The following UBE2V1 variants were observed in gnomAD, a reference collection of about 807,000 sequenced individuals.
UBE2V1 encodes ubiquitin conjugating enzyme E2 V1, also known as ubiquitin-conjugating enzyme E2 variant 1.
A neutral mutation model predicts 19.6 loss-of-function variants in UBE2V1; 15 were observed. The ratio of observed to expected loss-of-function variants is 0.77; its 90% CI spans 0.51 to 1.18. The LOEUF (loss-of-function observed/expected upper bound fraction) is 1.18, where lower values mean the gene tolerates loss of function less well. Ranked by LOEUF, UBE2V1 falls within the 50% of genes most tolerant of loss-of-function variation. The probability of loss-of-function intolerance (pLI) is 0.00; values close to 1 mark genes in which losing one functional copy is unlikely to be tolerated. For synonymous variants in UBE2V1, 60 were observed against 60.7 expected (o/e 0.99, Z 0.05); for missense variants, 125 against 184.8 (o/e 0.68, Z 1.88).
upstream of UBE2V1, chr20:50,115,169 G>A (rs2147251848): frequency 7.8e-6 from 2 of 256,696 alleles, no homozygotes; most frequent in South Asian, 1.5e-4. Context: ...GGCGACACTG[G>A]CCCTTTGCAA....
rs866897790 is a variant in UBE2V1, at chr20:50,098,803, A to G, written c.23-1983T>C. 2.1e-5 allele frequency: 10 copies of G among 474,936 alleles called. No individual in the cohort carries two copies. The Admixed American group carries it at 3.2e-4, about 15-fold the overall frequency. 29.4% of individuals were successfully genotyped at this position (474,936 alleles called of 1,614,324 possible). A position where few individuals can be genotyped will look rare whatever the true frequency, so the allele number is the denominator to read the frequency against. On this transcript the variant is annotated intron_variant, in intron 1 of 3. Transcript: ENST00000371674. ...CCTTTAAAATAAATGTAAGCAAAAG[A>G]GTCAGTTGATTACAAGAAAAATATT...
chr20:50,085,320 G>T (rs2078851826), intron 2 of UBE2V1, among the ~76,000 whole-genome samples: 1 of 152,050 alleles, frequency 6.6e-6, no homozygotes, highest in African/African-American at 2.4e-5. Flanking sequence ...CTGTTGCCCG[G>T]CTGTTCCTTC....
At chr20:50,083,203 G>A (rs961003549) in intron 3 of UBE2V1, among the ~76,000 whole-genome samples, 2 of 152,174 alleles carry the variant, frequency 1.3e-5, no homozygotes, top group South Asian at 4.1e-4. Context: ...AATAATGGCC[G>A]CTGCTGGGCT....
At position 50,096,545 on chromosome 20, in the gene UBE2V1, A is replaced by T. The variant is rs569178091; in HGVS notation, c.171+127T>A. The T allele has an allele frequency of 1.9e-5, 30 of 1,594,524 alleles. No individual in the cohort carries two copies. In the African/African-American group the frequency reaches 3.6e-4, roughly 19 times the overall value. ...ATATATAAACTGAAACTGGTCAAAA[A>T]AGAATAGCCACATTTCAGAAAATAT... On this transcript the variant is annotated intron_variant, in intron 2 of 3. Coordinates refer to ENST00000371674, the MANE Select transcript of UBE2V1 (RefSeq NM_001032288.3).
In UBE2V1 at chr20:50,096,546, A is replaced by C. The variant is rs766570095; in HGVS notation, c.171+126T>G. On this transcript the variant is annotated intron_variant, in intron 2 of 3. Coordinates refer to ENST00000371674, the MANE Select transcript of UBE2V1 (RefSeq NM_001032288.3). ...TATATAAACTGAAACTGGTCAAAAAAGAATAGCCACATTTCAGAAAATATA... is the reference window on the plus strand; with the variant it reads ...TATATAAACTGAAACTGGTCAAAAACGAATAGCCACATTTCAGAAAATATA... 2.5e-6 allele frequency: 4 copies of C among 1,595,190 alleles called. No individual in the cohort carries two copies. In the South Asian group the frequency reaches 4.5e-5, roughly 18 times the overall value.
Position 50,081,723 on chromosome 20 carries a change from T to A in UBE2V1, c.*1045A>T, listed in dbSNP as rs2078651677. 1.4e-5 allele frequency: 3 copies of A among 213,614 alleles called. No individual in the cohort carries two copies. The allele number at this position is 213,614 out of a possible 1,614,324, so 13.2% of individuals were successfully genotyped here. On this transcript the variant is annotated 3_prime_UTR_variant, in exon 4 of 4. Coordinates refer to ENST00000371674, the MANE Select transcript of UBE2V1 (RefSeq NM_001032288.3). ...AGTAAAACAATTCAGAGGGATCATG[T>A]GTGCTTACAAGTATCTTCATGCGGT...
intron 1 of UBE2V1, among the ~76,000 whole-genome samples, chr20:50,097,641 G>A (rs1025652107): frequency 6.6e-5 from 10 of 152,082 alleles, no homozygotes; most frequent in African/African-American, 1.9e-4. Context: ...CTCTCCTAGG[G>A]TTGCACTCCC....
upstream of UBE2V1, among the ~76,000 whole-genome samples, chr20:50,113,812 AC>A (rs2080924840): frequency 7.8e-6 from 1 of 127,604 alleles, no homozygotes; most frequent in Non-Finnish European, 1.6e-5. Flanking sequence ...CATTCATTCA[AC>A]CAAACAAACA....
At chr20:50,107,017 G>C (rs2080431813) in intron 1 of UBE2V1, among the ~76,000 whole-genome samples, 1 of 152,212 alleles carries the variant, frequency 6.6e-6, no homozygotes, top group Non-Finnish European at 1.5e-5. Flanking sequence ...TTCAGAAAAT[G>C]AGGAGGTATG....
At chr20:50,107,577 AATAAGG>A (rs772395247) in intron 1 of UBE2V1, among the ~76,000 whole-genome samples, 27 of 152,200 alleles carry the variant, frequency 1.8e-4, no homozygotes, top group Non-Finnish European at 3.4e-4. Flanking sequence ...AATACCACCA[AATAAGG>A]ATAAGAGTTT....
At chr20:50,106,360 A>G (rs556306107) in intron 1 of UBE2V1, among the ~76,000 whole-genome samples, 1 of 152,362 alleles carries the variant, frequency 6.6e-6, no homozygotes, top group African/African-American at 2.4e-5. Flanking sequence ...GCTTTACACC[A>G]TGCCACAGTA....
Position 50,096,668 on chromosome 20 carries a change from T to C in UBE2V1, c.171+4A>G. On this transcript the variant is annotated splice_donor_region_variant and intron_variant, in intron 2 of 3. Transcript: ENST00000371674. ...GACATTTATAGCCGTAGCTCGACGC[T>C]TACTCTTGGAGGCCCAATTATCATC... 6.2e-7 allele frequency: 1 copy of C among 1,613,684 alleles called. No individual in the cohort carries two copies. Among genetic ancestry groups the C allele is most frequent in the Non-Finnish European group, 8.5e-7 (1 of 1,179,824 alleles).
chr20:50,108,724 C>A (rs2269215), intron 1 of UBE2V1, among the ~76,000 whole-genome samples: 50,353 of 152,130 alleles, frequency 0.33, 9,106 homozygotes, highest in African/African-American at 0.5. Flanking sequence ...TACTTTGTAC[C>A]TGCCATGATG....
intron 2 of UBE2V1, among the ~76,000 whole-genome samples, chr20:50,093,529 C>T (rs1430802686): frequency 6.6e-6 from 1 of 152,164 alleles, no homozygotes; most frequent in African/African-American, 2.4e-5. Context: ...AAGACAATAA[C>T]AAGTGTTGGT....
intron 1 of UBE2V1, among the ~76,000 whole-genome samples, chr20:50,107,988 TG>T (rs1175300305): frequency 6.6e-6 from 1 of 152,186 alleles, no homozygotes; most frequent in Non-Finnish European, 1.5e-5. Flanking sequence ...CATGAAGATC[TG>T]GGGACAGAGC....
intron 3 of UBE2V1, among the ~76,000 whole-genome samples, chr20:50,083,214 G>A (rs1395161001): frequency 6.6e-6 from 1 of 152,228 alleles, no homozygotes; most frequent in Non-Finnish European, 1.5e-5. Context: ...CTGCTGGGCT[G>A]GCGGCTGCCG....
chr20:50,113,382 G>A (rs919578585), upstream of UBE2V1, among the ~76,000 whole-genome samples: 2 of 152,244 alleles, frequency 1.3e-5, no homozygotes. Context: ...TGCTTAGTGA[G>A]AAGGGCAGGG....
chr20:50,094,010 A>AAAAAAAAAATAAT (rs2079416552), intron 2 of UBE2V1, among the ~76,000 whole-genome samples: 1 of 94,732 alleles, frequency 1.1e-5, no homozygotes, highest in East Asian at 2.8e-4. Flanking sequence ...AAAAAAAAAA[A>AAAAAAAAAATAAT]AATAATAATA....
intron 2 of UBE2V1, chr20:50,084,670 C>G: frequency 2.5e-6 from 1 of 394,828 alleles, no homozygotes; most frequent in Non-Finnish European, 5.0e-6. Flanking sequence ...AAGCACAGAA[C>G]AGGTCACTGC....
Sources: gnomAD v4.1 joint callset for allele counts (sites outside exome capture counted in the v4.1 genomes callset) on GRCh38, gnomAD v4.1.1 for gene constraint, MANE v1.5 for transcripts, NCBI Gene and HGNC (gene_info 2026-07-23, HGNC 2026-07-21) for gene names.